CYP4F3: variants seen among roughly 807,000 people sequenced by gnomAD.
CYP4F3 encodes cytochrome P450 family 4 subfamily F member 3.
Under a neutral mutation model 54.8 loss-of-function variants are expected in CYP4F3, and 50 were observed. The observed-to-expected ratio is 0.91, with a 90% confidence interval of 0.73 to 1.16. The LOEUF is 1.16. Ranked by LOEUF, CYP4F3 falls within the 50% of genes most tolerant of loss-of-function variation. CYP4F3 has a pLI of 0.00. For missense variants in CYP4F3, 715 were observed against 676.2 expected (o/e 1.06, Z -0.64); for synonymous variants, 244 against 262.6 (o/e 0.93, Z 0.69).
chr19:15,653,613 G>A (rs1282525641), intron 9 of CYP4F3, among the ~76,000 whole-genome samples: 2 of 152,092 alleles, frequency 1.3e-5, no homozygotes, highest in African/African-American at 4.8e-5. Flanking sequence ...AGGACTAGGG[G>A]GGTATAGAAA....
intron 9 of CYP4F3, among the ~76,000 whole-genome samples, chr19:15,656,531 C>T (rs1599911557): frequency 9.5e-6 from 1 of 105,574 alleles, no homozygotes; most frequent in Non-Finnish European, 2.3e-5. Flanking sequence ...CTATTTCTAT[C>T]ATCTATCAAT....
chr19:15,656,740 C>T (rs1002725462), intron 9 of CYP4F3, among the ~76,000 whole-genome samples: 1 of 95,318 alleles, frequency 1.0e-5, no homozygotes, highest in Non-Finnish European at 2.1e-5. Flanking sequence ...ATCTATCTAT[C>T]TATCTATCTA....
rs541118668 is a variant in CYP4F3, at chr19:15,658,680, CG to C, written c.1315-45del. ...CACACCACTGTCTCTCCAAGGCTGG[CG>C]GACTGGGAGACCCCACCCGGCAACC... On this transcript the variant is annotated intron_variant, in intron 11 of 12. Coordinates refer to ENST00000221307, the MANE Select transcript of CYP4F3 (RefSeq NM_000896.3). 2.2e-4 allele frequency: 356 copies of C among 1,610,860 alleles called. 3 individuals are homozygous for C. In the East Asian group the frequency reaches 6.8e-3, roughly 31 times the overall value.
At chr19:15,658,079 C>T (rs1973075699) in intron 9 of CYP4F3, 185 bp from the exon 10 acceptor site, 1 of 966,516 alleles carries the variant, frequency 1.0e-6, no homozygotes, top group Non-Finnish European at 1.2e-6. Flanking sequence ...TTATGCTGTT[C>T]CATGGGTCTA....
intron 9 of CYP4F3, 113 bp from the exon 10 acceptor site, chr19:15,658,151 T>A: frequency 6.4e-7 from 1 of 1,555,538 alleles, no homozygotes; most frequent in Non-Finnish European, 8.6e-7. Flanking sequence ...AACAATTCTT[T>A]TAAAAAGTTT....
intron 1 of CYP4F3, 73 bp downstream of exon 1, chr19:15,641,018 G>T (rs1972446807): frequency 4.6e-6 from 1 of 218,874 alleles, no homozygotes; most frequent in South Asian, 6.4e-5. Flanking sequence ...AAGGGATTGG[G>T]CGCACACATA....
At chr19:15,658,965 A>G (rs4646520) in intron 12 of CYP4F3, among the ~76,000 whole-genome samples, 156 bp downstream of exon 12, 70,238 of 151,744 alleles carry the variant, frequency 0.46, 17,499 homozygotes, top group East Asian at 0.65. Context: ...ACAGAGTAGG[A>G]TTGGGTTGGT....
chr19:15,650,197 G>A lies in CYP4F3; in HGVS notation c.918+14G>A. 1.2e-6 allele frequency: 2 copies of A among 1,614,132 alleles called. No homozygotes were observed. The highest frequency in any genetic ancestry group is 1.7e-6 in the Non-Finnish European group (2 of 1,180,020). Reference sequence around the variant, plus strand: ...CTGCTGAGCAAGGTGGGCCTCTCTGGGATCTGAATTCAAGAAGTAGAAGGG... The same window carrying A: ...CTGCTGAGCAAGGTGGGCCTCTCTGAGATCTGAATTCAAGAAGTAGAAGGG... On this transcript the variant is annotated intron_variant, in intron 7 of 12. Coordinates refer to ENST00000221307, the MANE Select transcript of CYP4F3 (RefSeq NM_000896.3).
chr19:15,650,368 C>G, intron 7 of CYP4F3, 185 bp downstream of exon 7: 2 of 1,178,376 alleles, frequency 1.7e-6, no homozygotes, highest in South Asian at 1.4e-5. Context: ...CAGGGGACTG[C>G]TAAATGAAAT....
chr19:15,646,483 G>T (rs559465625), intron 3 of CYP4F3, among the ~76,000 whole-genome samples: 3 of 152,316 alleles, frequency 2.0e-5, no homozygotes, highest in South Asian at 2.1e-4. Flanking sequence ...GTCGTTAAAG[G>T]TACCATATTT....
rs530781038 is a variant in CYP4F3, at chr19:15,658,568, C to A, written c.1314+13C>A. The A allele has an allele frequency of 2.1e-5, 34 of 1,613,886 alleles. No individual in the cohort carries two copies. Among genetic ancestry groups the A allele is most frequent in the South Asian group, 3.3e-5 (3 of 91,070 alleles). ...GCCGGACCCTGAGGTGCGGGCCCCC[C>A]GTCTCTGTTTTTGTCCATTCCAAGG... On this transcript the variant is annotated intron_variant, in intron 11 of 12. Transcript: ENST00000221307.
chr19:15,641,670 G>A (rs1430953635), intron 2 of CYP4F3, 57 bp downstream of exon 2: 11 of 718,116 alleles, frequency 1.5e-5, no homozygotes, highest in Non-Finnish European at 2.6e-5. Flanking sequence ...TTCCTGAGGG[G>A]TAAGAATGAG....
At chr19:15,658,152 TA>T in intron 9 of CYP4F3, 111 bp from the exon 10 acceptor site, 2 of 1,556,202 alleles carry the variant, frequency 1.3e-6, no homozygotes. Context: ...ACAATTCTTT[TA>T]AAAAGTTTAT....
intron 2 of CYP4F3, among the ~76,000 whole-genome samples, chr19:15,643,111 T>C (rs900601512): frequency 1.3e-5 from 2 of 149,696 alleles, no homozygotes; most frequent in African/African-American, 4.9e-5. Context: ...GGCAGATAGA[T>C]ATATAGATAG....
rs768467770 is a variant in CYP4F3, at chr19:15,659,429, T to A, written c.*44T>A. Reference sequence around the variant, plus strand: ...CTGACCCCACTAAAATGACCCCTGATTCATCAAAAGTGAGGCCTAGAATTA... The same window carrying A: ...CTGACCCCACTAAAATGACCCCTGAATCATCAAAAGTGAGGCCTAGAATTA... On this transcript the variant is annotated 3_prime_UTR_variant, in exon 13 of 13. Transcript: ENST00000221307. 1.4e-5 allele frequency: 23 copies of A among 1,598,050 alleles called. No individual in the cohort carries two copies. Among genetic ancestry groups the A allele is most frequent in the Non-Finnish European group, 1.9e-5 (22 of 1,171,882 alleles).
chr19:15,657,153 A>G (rs534498152), intron 9 of CYP4F3, among the ~76,000 whole-genome samples: 2 of 152,290 alleles, frequency 1.3e-5, no homozygotes, highest in African/African-American at 2.4e-5. Context: ...CCATTAATGT[A>G]TATTTGGCTT....
chr19:15,652,460 C>G (rs2683038), intron 7 of CYP4F3, 109 bp from the exon 8 acceptor site: 953,019 of 1,535,552 alleles, frequency 0.62, 298,832 homozygotes, highest in East Asian at 0.82. Flanking sequence ...TTGGGTTTCT[C>G]GAAAGAGGAT....
chr19:15,645,614 T>A, intron 2 of CYP4F3, 105 bp from the exon 3 acceptor site: 2 of 1,444,952 alleles, frequency 1.4e-6, no homozygotes, highest in East Asian at 2.3e-5. Context: ...GGAGATGAGA[T>A]GCTGCTTGAA....
At chr19:15,653,064 G>C in intron 9 of CYP4F3, 112 bp downstream of exon 9, 2 of 1,454,044 alleles carry the variant, frequency 1.4e-6, no homozygotes, top group South Asian at 1.4e-5. Context: ...TTGCTTAGTG[G>C]GAATAGGAGC....
Sources: allele counts gnomAD v4.1 joint callset (sites outside exome capture counted in the v4.1 genomes callset), GRCh38; gene constraint gnomAD v4.1.1; transcripts MANE v1.5; gene names NCBI Gene and HGNC (gene_info 2026-07-23, HGNC 2026-07-21).